Variants in ABI3BP observed in about 807,000 individuals in gnomAD.
ABI3BP encodes target of Nesh-SH3.
ABI3BP carries 216 observed loss-of-function variants against 268.6 expected under a neutral mutation model. That is an observed-to-expected ratio of 0.80 (90% CI 0.72 to 0.90). ABI3BP has a LOEUF of 0.90. Among genes scored for constraint, ABI3BP ranks in the 40% least tolerant of loss-of-function variants. The pLI, the probability that ABI3BP is intolerant of heterozygous loss-of-function variation, is 0.00. For missense variants in ABI3BP, 2,090 were observed against 2,182.4 expected (o/e 0.96, Z 0.84); for synonymous variants, 730 against 730.0 (o/e 1.00, Z 0.00).
intron 2 of ABI3BP, among the ~76,000 whole-genome samples, 171 bp downstream of exon 2, chr3:100,926,131 A>G (rs983509135): frequency 6.6e-6 from 1 of 152,152 alleles, no homozygotes; most frequent in South Asian, 2.1e-4. Context: ...TTTTTAATGT[A>G]AAGAATTATG....
intron 9 of ABI3BP, among the ~76,000 whole-genome samples, chr3:100,868,926 A>G (rs2099080275): frequency 1.3e-5 from 2 of 152,094 alleles, no homozygotes; most frequent in Non-Finnish European, 2.9e-5. Flanking sequence ...CAGATCATGA[A>G]TTTTTCAAGC....
In ABI3BP at chr3:100,847,657, G is replaced by A. The variant is rs759909738; in HGVS notation, c.1593C>T (p.Ala531=). The part of the protein sequence containing the change: ...PRTKPERTTS[A]GTITPKISKS... The stretch of plus-strand genomic sequence containing the variant: ...TAGAAATTTTAGGTGTAATTGTTCC[G>A]GCACTTGTGGTTCTTTCTGGTGATG... The change falls in exon 19 of 68, where the codon GCC becomes GCT. Residue 531 remains alanine, a synonymous_variant. Coordinates refer to ENST00000471714, the MANE Select transcript of ABI3BP (RefSeq NM_001375547.2). 33 of 1,613,318 alleles carry A rather than the reference G, an allele frequency of 2.0e-5. No homozygotes were observed. Among genetic ancestry groups the A allele is most frequent in the Non-Finnish European group, 2.5e-5 (29 of 1,179,536 alleles).
At chr3:100,823,942 G>A (rs1579117022) in intron 36 of ABI3BP, among the ~76,000 whole-genome samples, 2 of 151,988 alleles carry the variant, frequency 1.3e-5, no homozygotes, top group East Asian at 1.9e-4. Context: ...GTTTGATACC[G>A]ACATAAAAAA....
intron 2 of ABI3BP, among the ~76,000 whole-genome samples, chr3:100,912,432 T>G (rs995475340): frequency 6.6e-5 from 10 of 151,944 alleles, no homozygotes; most frequent in African/African-American, 2.4e-4. Context: ...TTATATAAAA[T>G]AGACTGATTT....
chr3:100,792,791 G>C (rs1295908099), intron 54 of ABI3BP, 23 bp from the exon 55 acceptor site: 1 of 1,596,516 alleles, frequency 6.3e-7, no homozygotes. Flanking sequence ...CAGTAAGATT[G>C]CTTGTTTTAA....
At chr3:100,959,471 C>G (rs2078111000) in intron 1 of ABI3BP, among the ~76,000 whole-genome samples, 2 of 109,420 alleles carry the variant, frequency 1.8e-5, no homozygotes, top group African/African-American at 7.4e-5. Flanking sequence ...GCCTGGGCGA[C>G]AGAGCGAGAC....
chr3:100,812,609 T>A (rs2097889593), intron 45 of ABI3BP, 86 bp from the exon 46 acceptor site: 4 of 799,824 alleles, frequency 5.0e-6, no homozygotes. Context: ...AAGTGTTCAA[T>A]GTTAACTGTT....
intron 51 of ABI3BP, among the ~76,000 whole-genome samples, chr3:100,802,071 A>G (rs1373173394): frequency 2.0e-5 from 3 of 152,232 alleles, no homozygotes; most frequent in Admixed American, 1.3e-4. Flanking sequence ...ATTTTAAACA[A>G]TAAGGCTCAA....
chr3:100,889,916 T>A (rs760965630), intron 4 of ABI3BP, among the ~76,000 whole-genome samples: 1 of 152,148 alleles, frequency 6.6e-6, no homozygotes, highest in African/African-American at 2.4e-5. Flanking sequence ...TCCACCCTCT[T>A]AAGCATCAAT....
chr3:100,990,319 T>C (rs950476624), intron 1 of ABI3BP, among the ~76,000 whole-genome samples: 13 of 152,162 alleles, frequency 8.5e-5, no homozygotes, highest in African/African-American at 2.9e-4. Flanking sequence ...CCTAAAATAC[T>C]ATGAGATAGT....
chr3:100,850,743 A>C lies in ABI3BP; in HGVS notation c.1352-9T>G. The C allele has an allele frequency of 6.2e-7, 1 of 1,606,494 alleles. No individual in the cohort carries two copies. Among genetic ancestry groups the C allele is most frequent in the Non-Finnish European group, 8.5e-7 (1 of 1,173,546 alleles). ...AATACGATCACTTGTTGCTGTTGGA[A>C]TAAATGTCAACATTTGTAAAAGCAG... On this transcript the variant is annotated splice_polypyrimidine_tract_variant and intron_variant, in intron 15 of 67. Coordinates refer to ENST00000471714, the MANE Select transcript of ABI3BP (RefSeq NM_001375547.2).
chr3:100,782,452 AAT>A (rs2150354734), intron 57 of ABI3BP, among the ~76,000 whole-genome samples: 1 of 152,252 alleles, frequency 6.6e-6, no homozygotes, highest in African/African-American at 2.4e-5. Flanking sequence ...TCCCAAATCA[AAT>A]AGAGAAGCAG....
At chr3:100,917,585 A>G (rs976948287) in intron 2 of ABI3BP, among the ~76,000 whole-genome samples, 1 of 152,140 alleles carries the variant, frequency 6.6e-6, no homozygotes, top group African/African-American at 2.4e-5. Flanking sequence ...CTGGGACCAT[A>G]TATCTTTTTG....
intron 55 of ABI3BP, among the ~76,000 whole-genome samples, chr3:100,791,570 C>T (rs576253279): frequency 4.0e-5 from 6 of 151,810 alleles, no homozygotes; most frequent in East Asian, 3.9e-4. Flanking sequence ...TGTATCACAA[C>T]GGAACATCTG....
chr3:100,844,787 G>T (rs1407040337), intron 20 of ABI3BP, among the ~76,000 whole-genome samples: 1 of 152,152 alleles, frequency 6.6e-6, no homozygotes, highest in East Asian at 1.9e-4. Flanking sequence ...AAAAGGGGTG[G>T]ATTTTCTTTG....
chr3:100,927,204 C>T (rs944442452), intron 1 of ABI3BP, among the ~76,000 whole-genome samples: 2 of 152,068 alleles, frequency 1.3e-5, no homozygotes, highest in Admixed American at 1.3e-4. Context: ...ATCAAATTCT[C>T]AAGACATTTA....
Position 100,812,527 on chromosome 3 carries a change from G to C in ABI3BP, c.3365-4C>G. On this transcript the variant is annotated splice_polypyrimidine_tract_variant and splice_region_variant and intron_variant, in intron 45 of 67. Coordinates refer to ENST00000471714, the MANE Select transcript of ABI3BP (RefSeq NM_001375547.2). ...ACCGATTCCAGAACATCAGAAACTA[G>C]TAAAAAACAGAAAATGGTACAATTG... is the stretch of plus-strand genomic sequence containing the variant. 7.6e-7 allele frequency: 1 copy of C among 1,322,900 alleles called. No individual in the cohort carries two copies. Among genetic ancestry groups the C allele is most frequent in the Non-Finnish European group, 9.6e-7 (1 of 1,036,836 alleles). 81.9% of individuals were successfully genotyped at this position (1,322,900 alleles called of 1,614,324 possible).
chr3:100,931,788 T>C (rs995029296), intron 1 of ABI3BP, among the ~76,000 whole-genome samples: 2 of 152,084 alleles, frequency 1.3e-5, no homozygotes, highest in African/African-American at 2.4e-5. Context: ...CCCACAGCAA[T>C]GTACAGATTC....
intron 6 of ABI3BP, among the ~76,000 whole-genome samples, chr3:100,882,607 CT>C (rs1434910870): frequency 6.6e-6 from 1 of 151,954 alleles, no homozygotes; most frequent in African/African-American, 2.4e-5. Context: ...CACCTCACAG[CT>C]TGAAGTGATA....
Sources: allele counts gnomAD v4.1 joint callset (sites outside exome capture counted in the v4.1 genomes callset), GRCh38; gene constraint gnomAD v4.1.1; transcripts MANE v1.5; gene names NCBI Gene and HGNC (gene_info 2026-07-23, HGNC 2026-07-21).